Variants in FMN2 observed in about 807,000 individuals in gnomAD.
FMN2 encodes the protein formin 2, also known as formin-2.
A neutral mutation model predicts 142.3 loss-of-function variants in FMN2; 51 were observed. The observed-to-expected ratio is 0.36, with a 90% CI of 0.29 to 0.45. FMN2 has a LOEUF of 0.45. Among genes scored for constraint, FMN2 ranks in the 20% least tolerant of loss-of-function variants. The pLI is 1.00. For synonymous variants in FMN2, 882 were observed against 869.8 expected (o/e 1.01, Z -0.25); for missense variants, 1,936 against 2,122.8 (o/e 0.91, Z 1.73).
chr1:240,120,270 T>C (rs1464648129), intron 1 of FMN2, among the ~76,000 whole-genome samples: 2 of 152,240 alleles, frequency 1.3e-5, no homozygotes, highest in Non-Finnish European at 2.9e-5. Context: ...AAGTATAGAC[T>C]TGGCCTGGTT....
In FMN2 at chr1:240,207,385, C is replaced by T. The variant is rs769177359; in HGVS notation, c.2573C>T (p.Pro858Leu). 14 of 1,613,876 alleles carry T rather than the reference C, an allele frequency of 8.7e-6. No homozygotes were observed. In the East Asian group the frequency reaches 1.8e-4, roughly 21 times the overall value. The change falls in exon 5 of 18, where the codon CCA (proline) becomes CTA (leucine). Residue 858 changes from proline (P) to leucine (L), a missense_variant. Pro to Leu is a moderately conservative substitution (Grantham distance 98). Coordinates refer to ENST00000319653, the MANE Select transcript of FMN2 (RefSeq NM_020066.5). ...AFKNSCNIPS[P>L]PPLPCTESSS... ...AAAAACAGCTGTAACATCCCATCTCCACCACCTCTGCCTTGCACAGAGTCC... is the reference window on the plus strand; with the variant it reads ...AAAAACAGCTGTAACATCCCATCTCTACCACCTCTGCCTTGCACAGAGTCC...
chr1:240,265,802 A>C (rs1668776260), intron 7 of FMN2, among the ~76,000 whole-genome samples: 2 of 152,050 alleles, frequency 1.3e-5, no homozygotes, highest in Non-Finnish European at 2.9e-5. Flanking sequence ...CATATTAAGC[A>C]CTTAATCAAT....
At chr1:240,401,677 C>T (rs983398132) in intron 15 of FMN2, among the ~76,000 whole-genome samples, 6 of 152,134 alleles carry the variant, frequency 3.9e-5, no homozygotes, top group African/African-American at 1.4e-4. Context: ...CTATCAGATG[C>T]CTTAAGGATC....
At chr1:240,311,687 G>A (rs1670609838) in intron 8 of FMN2, among the ~76,000 whole-genome samples, 1 of 152,078 alleles carries the variant, frequency 6.6e-6, no homozygotes, top group Non-Finnish European at 1.5e-5. Context: ...CTGATTTTTT[G>A]ATAGTTATGC....
At chr1:240,391,860 G>A (rs1394018575) in intron 14 of FMN2, among the ~76,000 whole-genome samples, 1 of 151,914 alleles carries the variant, frequency 6.6e-6, no homozygotes, top group African/African-American at 2.4e-5. Flanking sequence ...CATACTTTAA[G>A]TGATGGAGTT....
At chr1:240,413,971 A>G (rs1302261000) in intron 15 of FMN2, among the ~76,000 whole-genome samples, 9 of 152,242 alleles carry the variant, frequency 5.9e-5, no homozygotes, top group African/African-American at 2.2e-4. Flanking sequence ...AATATCTTAC[A>G]AATATCGTTG....
At chr1:240,274,276 GA>G (rs1669118464) in intron 7 of FMN2, among the ~76,000 whole-genome samples, 1 of 151,888 alleles carries the variant, frequency 6.6e-6, no homozygotes, top group South Asian at 2.1e-4. Flanking sequence ...AGAGGAGAGG[GA>G]GGAGTCAGGG....
chr1:240,177,733 G>T, intron 2 of FMN2, 188 bp from the exon 3 acceptor site: 3 of 401,566 alleles, frequency 7.5e-6, no homozygotes, highest in Non-Finnish European at 1.2e-5. Context: ...AAGATAAAAT[G>T]ACTGCGTGAA....
At chr1:240,114,749 C>T (rs1028833082) in intron 1 of FMN2, among the ~76,000 whole-genome samples, 2 of 151,614 alleles carry the variant, frequency 1.3e-5, no homozygotes, top group Non-Finnish European at 2.9e-5. Context: ...CCTCCGCTTC[C>T]CAAGTTCAGG....
At chr1:240,317,028 A>G (rs1006418977) in intron 8 of FMN2, among the ~76,000 whole-genome samples, 78 of 152,254 alleles carry the variant, frequency 5.1e-4, no homozygotes, top group African/African-American at 1.8e-3. Context: ...GTAAAACAGG[A>G]CGAGTGGGTG....
intron 2 of FMN2, among the ~76,000 whole-genome samples, chr1:240,127,555 G>T (rs1051302262): frequency 6.6e-6 from 1 of 151,962 alleles, no homozygotes; most frequent in African/African-American, 2.4e-5. Flanking sequence ...ATGGCTCACC[G>T]CAGTCTCGAT....
At chr1:240,420,708 A>G (rs560233248) in intron 15 of FMN2, among the ~76,000 whole-genome samples, 1 of 152,214 alleles carries the variant, frequency 6.6e-6, no homozygotes, top group Non-Finnish European at 1.5e-5. Context: ...GATTAGCTCT[A>G]GTGATGTCTT....
chr1:240,467,449 G>A (rs111973358), intron 16 of FMN2, among the ~76,000 whole-genome samples: 3 of 152,078 alleles, frequency 2.0e-5, no homozygotes, highest in African/African-American at 7.2e-5. Context: ...TGTATTTTTA[G>A]TAGAGATGGG....
chr1:240,227,361 T>C (rs1253648009), intron 6 of FMN2, among the ~76,000 whole-genome samples: 2 of 152,162 alleles, frequency 1.3e-5, no homozygotes, highest in African/African-American at 4.8e-5. Flanking sequence ...AAGATGATGA[T>C]ACTTGCCAAG....
At chr1:240,326,548 G>A (rs1326780799) in intron 8 of FMN2, among the ~76,000 whole-genome samples, 1 of 151,938 alleles carries the variant, frequency 6.6e-6, no homozygotes, top group African/African-American at 2.4e-5. Flanking sequence ...ATTTGTTTTT[G>A]TGTTGTTTAA....
intron 3 of FMN2, among the ~76,000 whole-genome samples, chr1:240,182,914 CTTTTCT>C (rs1665211423): frequency 7.1e-6 from 1 of 140,640 alleles, no homozygotes; most frequent in African/African-American, 2.7e-5. Flanking sequence ...CATTTCTTTT[CTTTTCT>C]TTTTTTTTTT....
intron 14 of FMN2, among the ~76,000 whole-genome samples, chr1:240,377,202 A>G (rs2103076526): frequency 6.6e-6 from 1 of 152,178 alleles, no homozygotes. Context: ...AACATTTCTC[A>G]TTATGTAGAT....
chr1:240,228,337 AAGAAAAAGAAAAAGAAAG>A (rs762773786), intron 6 of FMN2, among the ~76,000 whole-genome samples: 3,069 of 82,092 alleles, frequency 0.037, 209 homozygotes, highest in African/African-American at 0.13. Context: ...AAAAAAGAAA[AAGAAAAAGAAAAAGAAAG>A]AAAAAAAATG....
At chr1:240,187,360 A>T (rs989291453) in intron 3 of FMN2, among the ~76,000 whole-genome samples, 4 of 151,742 alleles carry the variant, frequency 2.6e-5, no homozygotes, top group African/African-American at 9.7e-5. Context: ...TCTGCATGCC[A>T]GTCAGGGGTG....
Sources: gnomAD v4.1 joint callset for allele counts (sites outside exome capture counted in the v4.1 genomes callset) on GRCh38, gnomAD v4.1.1 for gene constraint, MANE v1.5 for transcripts, NCBI Gene and HGNC (gene_info 2026-07-23, HGNC 2026-07-21) for gene names.